PHKB: variants seen among roughly 807,000 people sequenced by gnomAD.
PHKB encodes phosphorylase b kinase regulatory subunit beta.
Under a neutral mutation model 152.1 loss-of-function variants are expected in PHKB, and 122 were observed. The observed-to-expected ratio is 0.80, with a 90% CI of 0.69 to 0.93. PHKB has a LOEUF of 0.93. PHKB is among the 40% of genes least tolerant of loss of function. The probability of loss-of-function intolerance (pLI) is 0.00; values close to 1 mark genes in which losing one functional copy is unlikely to be tolerated. For synonymous variants in PHKB, 436 were observed against 464.9 expected, an observed-to-expected ratio of 0.94 and a Z score of 0.80; for missense variants, 1,304 against 1,328.4, an observed-to-expected ratio of 0.98 and a Z score of 0.29.
At chr16:47,564,787 A>G (rs932009919) in intron 7 of PHKB, among the ~76,000 whole-genome samples, 1 of 152,226 alleles carries the variant, frequency 6.6e-6, no homozygotes, top group Non-Finnish European at 1.5e-5. Context: ...AGTGAAAGAT[A>G]GGAATCCATT....
At chr16:47,461,484 A>G in intron 1 of PHKB, 58 bp downstream of exon 1, 2 of 1,575,216 alleles carry the variant, frequency 1.3e-6, no homozygotes, top group South Asian at 2.2e-5. Context: ...GCTTCGCCTC[A>G]AGCGCCTTGG....
At chr16:47,612,588 T>G (rs1972448099) in intron 14 of PHKB, among the ~76,000 whole-genome samples, 1 of 152,226 alleles carries the variant, frequency 6.6e-6, no homozygotes, top group East Asian at 1.9e-4. Flanking sequence ...CTGCTGCTAC[T>G]GAATTATCTG....
intron 7 of PHKB, among the ~76,000 whole-genome samples, chr16:47,557,979 C>G (rs1023923885): frequency 6.6e-6 from 1 of 151,706 alleles, no homozygotes; most frequent in Non-Finnish European, 1.5e-5. Context: ...GACTTGGAAC[C>G]AACCCAAATG....
At chr16:47,683,666 C>G (rs1156971173) in intron 26 of PHKB, among the ~76,000 whole-genome samples, 3 of 152,168 alleles carry the variant, frequency 2.0e-5, no homozygotes, top group Non-Finnish European at 4.4e-5. Flanking sequence ...GTCTGTCACC[C>G]CTTTCTTTGA....
intron 14 of PHKB, among the ~76,000 whole-genome samples, chr16:47,612,609 C>T (rs763047019): frequency 1.3e-5 from 2 of 152,126 alleles, no homozygotes; most frequent in Non-Finnish European, 2.9e-5. Context: ...TGTCATGCCT[C>T]CCAAGTGGAG....
chr16:47,656,229 G>T (rs1195843668), intron 20 of PHKB, among the ~76,000 whole-genome samples: 2 of 152,068 alleles, frequency 1.3e-5, no homozygotes, highest in African/African-American at 4.8e-5. Context: ...GTGTTAGCCA[G>T]CATGGTCTCG....
chr16:47,693,934 A>G (rs1454711751), intron 28 of PHKB, among the ~76,000 whole-genome samples: 2 of 152,154 alleles, frequency 1.3e-5, no homozygotes, highest in African/African-American at 2.4e-5. Context: ...AAGTGTGGGT[A>G]CCCCTTCACT....
At chr16:47,475,991 A>G (rs1969861453) in intron 1 of PHKB, among the ~76,000 whole-genome samples, 1 of 152,072 alleles carries the variant, frequency 6.6e-6, no homozygotes, top group African/African-American at 2.4e-5. Flanking sequence ...CCTCAGCCTC[A>G]TGAGTAACTG....
At chr16:47,550,154 A>G (rs912022881) in intron 7 of PHKB, among the ~76,000 whole-genome samples, 2 of 152,190 alleles carry the variant, frequency 1.3e-5, no homozygotes, top group Non-Finnish European at 2.9e-5. Context: ...TCTGATGTCC[A>G]AAGGATACAT....
chr16:47,651,607 C>G (rs1458061629), intron 20 of PHKB, among the ~76,000 whole-genome samples: 1 of 152,194 alleles, frequency 6.6e-6, no homozygotes, highest in East Asian at 1.9e-4. Context: ...TGACCTTTAA[C>G]TTAAACTACT....
In PHKB at chr16:47,569,754, G is replaced by A. The variant is rs543050977; in HGVS notation, c.711-10541G>A. 3.3e-5 allele frequency among the ~76,000 whole-genome samples: 5 copies of A among 152,218 alleles called. No homozygotes were observed. The South Asian group carries it at 1.0e-3, about 32-fold the overall frequency. On this transcript the variant is annotated intron_variant, in intron 7 of 30. Coordinates refer to ENST00000323584, the MANE Select transcript of PHKB (RefSeq NM_000293.3). ...TCCTACCTCAGCCTCCCCAGTAGCT[G>A]GGACTTACAGGTGCACGCCACCACG...
intron 7 of PHKB, chr16:47,561,408 G>C (rs574020756): frequency 2.0e-5 from 3 of 152,306 alleles, no homozygotes; most frequent in African/African-American, 4.8e-5. Flanking sequence ...TTCCCAAAGA[G>C]GAAAGTGATG....
At chr16:47,484,544 G>A (rs1049627666) in intron 1 of PHKB, among the ~76,000 whole-genome samples, 2 of 152,132 alleles carry the variant, frequency 1.3e-5, no homozygotes, top group Admixed American at 6.5e-5. Flanking sequence ...GTGAAAGCAA[G>A]GATTAAAGGC....
At chr16:47,589,582 A>G (rs1971992955) in intron 10 of PHKB, among the ~76,000 whole-genome samples, 1 of 152,218 alleles carries the variant, frequency 6.6e-6, no homozygotes, top group Non-Finnish European at 1.5e-5. Context: ...TATCTGTTTC[A>G]TTTAGACACT....
intron 25 of PHKB, among the ~76,000 whole-genome samples, chr16:47,668,627 G>A (rs1973581276): frequency 6.6e-6 from 1 of 152,026 alleles, no homozygotes; most frequent in South Asian, 2.1e-4. Flanking sequence ...CCAGGCTGTG[G>A]GCAGCCTGTT....
intron 1 of PHKB, among the ~76,000 whole-genome samples, chr16:47,495,691 C>T (rs1970220078): frequency 6.6e-6 from 1 of 152,112 alleles, no homozygotes; most frequent in Admixed American, 6.5e-5. Context: ...TTACTCCTTT[C>T]TGATTGCCAG....
chr16:47,618,444 T>A (rs996482602), intron 14 of PHKB, among the ~76,000 whole-genome samples: 6 of 152,200 alleles, frequency 3.9e-5, no homozygotes, highest in Non-Finnish European at 8.8e-5. Context: ...GAGTGTCTTT[T>A]TCTCCTTCTA....
At chr16:47,683,662 C>G (rs995446238) in intron 26 of PHKB, among the ~76,000 whole-genome samples, 4 of 152,186 alleles carry the variant, frequency 2.6e-5, no homozygotes, top group Non-Finnish European at 5.9e-5. Context: ...TGCTGTCTGT[C>G]ACCCCTTTCT....
intron 4 of PHKB, among the ~76,000 whole-genome samples, chr16:47,508,613 C>T (rs1970459148): frequency 6.6e-6 from 1 of 152,032 alleles, no homozygotes; most frequent in African/African-American, 2.4e-5. Context: ...AAATGATAAA[C>T]TGTTTATTCA....
Sources: gnomAD v4.1 joint callset for allele counts (sites outside exome capture counted in the v4.1 genomes callset) on GRCh38, gnomAD v4.1.1 for gene constraint, MANE v1.5 for transcripts, NCBI Gene and HGNC (gene_info 2026-07-23, HGNC 2026-07-21) for gene names.